The following SLC22A23 variants were observed in gnomAD, a reference collection of about 807,000 sequenced individuals.
The protein encoded by SLC22A23 is ion transporter protein.
A neutral mutation model predicts 61.0 loss-of-function variants in SLC22A23; 26 were observed. The observed-to-expected ratio is 0.43, with a 90% CI of 0.31 to 0.59. The LOEUF is 0.59. Among genes scored for constraint, SLC22A23 ranks in the 20% least tolerant of loss-of-function variants. The pLI is 0.11. For missense variants in SLC22A23, 796 were observed against 934.7 expected (o/e 0.85, Z 1.94); for synonymous variants, 430 against 413.9 (o/e 1.04, Z -0.47).
chr6:3,285,919 C>T (rs982088015), intron 7 of SLC22A23, among the ~76,000 whole-genome samples: 6 of 152,068 alleles, frequency 3.9e-5, no homozygotes, highest in African/African-American at 1.4e-4. Flanking sequence ...TGAGCCTGTC[C>T]CAGGAGGACC....
chr6:3,415,958 C>T (rs530477082), intron 1 of SLC22A23, 103 bp from the exon 2 acceptor site: 9 of 765,770 alleles, frequency 1.2e-5, no homozygotes, highest in Admixed American at 4.5e-5. Context: ...ACCACCGCAC[C>T]GTTGCCAGTA....
intron 1 of SLC22A23, chr6:3,444,918 C>T: frequency 1.0e-6 from 1 of 985,586 alleles, no homozygotes; most frequent in Non-Finnish European, 1.2e-6. Context: ...AGCTCCTCCC[C>T]CCTCAAAGTG....
At chr6:3,350,945 C>T (rs981524416) in intron 3 of SLC22A23, among the ~76,000 whole-genome samples, 1 of 149,556 alleles carries the variant, frequency 6.7e-6, no homozygotes, top group Non-Finnish European at 1.5e-5. Context: ...CTCTTATTGA[C>T]GCATTTAATT....
intron 3 of SLC22A23, among the ~76,000 whole-genome samples, chr6:3,400,039 T>C (rs1257805715): frequency 6.6e-6 from 1 of 152,102 alleles, no homozygotes; most frequent in East Asian, 1.9e-4. Context: ...CCACCATGCC[T>C]GGCTAATTTT....
chr6:3,316,470 T>C (rs1483489319), intron 4 of SLC22A23, among the ~76,000 whole-genome samples: 1 of 152,194 alleles, frequency 6.6e-6, no homozygotes, highest in African/African-American at 2.4e-5. Context: ...AAGTGCAATG[T>C]TTTCTTTCTT....
chr6:3,301,100 T>C (rs192049983), intron 4 of SLC22A23, among the ~76,000 whole-genome samples: 2 of 152,310 alleles, frequency 1.3e-5, no homozygotes, highest in East Asian at 3.9e-4. Context: ...GACATTAATA[T>C]TATATATATT....
chr6:3,357,197 T>C (rs943497862), intron 3 of SLC22A23, among the ~76,000 whole-genome samples: 5 of 152,014 alleles, frequency 3.3e-5, no homozygotes, highest in Non-Finnish European at 7.4e-5. Context: ...GAAATATGTA[T>C]CATTGTTTTT....
intron 3 of SLC22A23, among the ~76,000 whole-genome samples, chr6:3,340,520 A>C (rs994150834): frequency 7.2e-5 from 11 of 152,174 alleles, no homozygotes; most frequent in South Asian, 2.1e-4. Context: ...AATTCTTGCA[A>C]AAGTTGGGAA....
chr6:3,352,987 T>C (rs1003714794), intron 3 of SLC22A23, among the ~76,000 whole-genome samples: 6 of 152,160 alleles, frequency 3.9e-5, no homozygotes, highest in Non-Finnish European at 7.3e-5. Flanking sequence ...AGGGTCAAAA[T>C]ATGTATGAAA....
chr6:3,299,958 T>C (rs1364056625), intron 4 of SLC22A23, among the ~76,000 whole-genome samples: 1 of 151,320 alleles, frequency 6.6e-6, no homozygotes, highest in Non-Finnish European at 1.5e-5. Flanking sequence ...TAAGAAGTTA[T>C]TGTAAGTACC....
At chr6:3,305,853 C>A (rs1035840379) in intron 4 of SLC22A23, among the ~76,000 whole-genome samples, 7 of 152,298 alleles carry the variant, frequency 4.6e-5, no homozygotes, top group Non-Finnish European at 8.8e-5. Context: ...TGGGAGAAAG[C>A]CTTGAAGTTG....
chr6:3,444,490 T>C (rs768998502), intron 1 of SLC22A23, among the ~76,000 whole-genome samples: 14 of 152,188 alleles, frequency 9.2e-5, no homozygotes, highest in Non-Finnish European at 1.9e-4. Flanking sequence ...CTCTGAGCCA[T>C]ATGTTCACGC....
At chr6:3,299,506 TTC>T (rs1166000495) in intron 4 of SLC22A23, among the ~76,000 whole-genome samples, 1 of 152,222 alleles carries the variant, frequency 6.6e-6, no homozygotes, top group East Asian at 1.9e-4. Flanking sequence ...CAGAATCTTT[TTC>T]TTTTTTTAAA....
intron 3 of SLC22A23, among the ~76,000 whole-genome samples, chr6:3,375,463 T>G (rs6911308): frequency 0.35 from 53,631 of 152,116 alleles, 9,689 homozygotes; most frequent in Middle Eastern, 0.43. Flanking sequence ...ATTCGCTGAC[T>G]ATGGTAGTGG....
At chr6:3,383,501 T>G (rs953715912) in intron 3 of SLC22A23, among the ~76,000 whole-genome samples, 3 of 152,188 alleles carry the variant, frequency 2.0e-5, no homozygotes, top group African/African-American at 7.2e-5. Flanking sequence ...AACCAAACCA[T>G]GTTGAACACA....
intron 9 of SLC22A23, among the ~76,000 whole-genome samples, chr6:3,281,079 C>T (rs1759436583): frequency 6.6e-6 from 1 of 152,198 alleles, no homozygotes. Context: ...AAGGAAGCCT[C>T]GGAGCCCACC....
chr6:3,282,435 G>T (rs942583073), intron 9 of SLC22A23: 2 of 625,462 alleles, frequency 3.2e-6, no homozygotes, highest in South Asian at 3.6e-5. Flanking sequence ...CGATCCAAGA[G>T]AATGAATCAA....
Position 3,309,248 on chromosome 6 carries a change from G to A in SLC22A23, c.1083-11030C>T, listed in dbSNP as rs1045312343. Among the ~76,000 whole-genome samples the A allele has an allele frequency of 1.3e-5, 2 of 150,132 alleles. No homozygotes were observed. The highest frequency in any genetic ancestry group is 4.9e-5 in the African/African-American group (2 of 40,738). ...CCCGGGAGGTTTGCAGTGGACCAAG[G>A]TCGTGCCGCTGCACTCTAGCCTGGG... On this transcript the variant is annotated intron_variant, in intron 4 of 9. Transcript: ENST00000406686. This position sits in a 1 kb window ranked among gnomAD's most constrained non-coding sequence, Gnocchi z 4.7.
intron 1 of SLC22A23, among the ~76,000 whole-genome samples, chr6:3,453,348 C>T (rs115946125): frequency 2.6e-5 from 4 of 152,266 alleles, no homozygotes; most frequent in Non-Finnish European, 4.4e-5. Context: ...AAAGCAACTA[C>T]GGGATGGACT....
Sources: allele counts gnomAD v4.1 joint callset (sites outside exome capture counted in the v4.1 genomes callset), GRCh38; gene constraint gnomAD v4.1.1; non-coding constraint Gnocchi (gnomAD v3.1); transcripts MANE v1.5; gene names NCBI Gene and HGNC (gene_info 2026-07-23, HGNC 2026-07-21).